FADS2: variants seen among roughly 807,000 people sequenced by gnomAD.
FADS2 encodes fatty acid desaturase 2.
In FADS2, 18 loss-of-function variants were observed where a neutral mutation model predicts 61.2. The observed-to-expected ratio is 0.29, with a 90% CI of 0.20 to 0.44. The LOEUF (loss-of-function observed/expected upper bound fraction) is 0.44, where lower values mean the gene tolerates loss of function less well. Ranked by LOEUF, FADS2 falls within the 20% of genes least tolerant of loss-of-function variation. The pLI, the probability that FADS2 is intolerant of heterozygous loss-of-function variation, is 1.00. For synonymous variants in FADS2, 203 were observed against 223.9 expected (o/e 0.91, Z 0.83); for missense variants, 322 against 572.7 (o/e 0.56, Z 4.47).
At position 61,853,016 on chromosome 11, in the gene FADS2, A is replaced by G. The variant is rs182564414; in HGVS notation, c.745-3995A>G. Among the ~76,000 whole-genome samples, 501 of 152,230 alleles carry G rather than the reference A, an allele frequency of 3.3e-3. 13 individuals are homozygous for G. The highest frequency in any genetic ancestry group is 0.028 in the Admixed American group (430 of 15,292). ...TAAAAATACAAAAAATTAGCTGGGC[A>G]TGGTGGCACACGCCTGTAGTCTCGG... On this transcript the variant is annotated intron_variant, in intron 5 of 11. Coordinates refer to ENST00000278840, the MANE Select transcript of FADS2 (RefSeq NM_004265.4).
intron 4 of FADS2, chr11:61,847,892 T>C: frequency 2.3e-6 from 1 of 428,708 alleles, no homozygotes; most frequent in Non-Finnish European, 4.4e-6. Flanking sequence ...CACCGTGTGG[T>C]CCCTCAGCAG....
intron 4 of FADS2, among the ~76,000 whole-genome samples, chr11:61,843,351 G>A (rs1382425416): frequency 1.3e-5 from 2 of 152,218 alleles, no homozygotes; most frequent in Non-Finnish European, 2.9e-5. Context: ...GATGGCTTGA[G>A]CCTGGGATTT....
chr11:61,862,948 A>T (rs747792353), intron 7 of FADS2, 24 bp from the exon 8 acceptor site: 1 of 1,602,262 alleles, frequency 6.2e-7, no homozygotes, highest in Non-Finnish European at 8.6e-7. Flanking sequence ...GGCAGGTTGC[A>T]CCTAACTTCA....
Position 61,816,330 on chromosome 11 carries a change from G to T in FADS2, c.45G>T (p.Leu15Phe), listed in dbSNP as rs759379049. 5 of 1,598,398 alleles carry T rather than the reference G, an allele frequency of 3.1e-6. No individual in the cohort carries two copies. Among genetic ancestry groups the T allele is most frequent in the South Asian group, 1.1e-5 (1 of 91,082 alleles). The stretch of plus-strand genomic sequence containing the variant: ...GACCCTTTGTTTGTGTGTGCGTGTT[G>T]TTGGCCTCCATCCCCACTCCCCAGA... Residue 15 changes from leucine to phenylalanine, a missense_variant, in exon 1 of 12, where the codon TTG becomes TTT. By Grantham distance (22) the Leu-to-Phe change is conservative. Coordinates refer to the FADS2 transcript ENST00000257261. This position sits in a 1 kb window ranked among gnomAD's most constrained non-coding sequence, Gnocchi z 7.0.
At chr11:61,864,622 T>C (rs1034506119) in intron 10 of FADS2, among the ~76,000 whole-genome samples, 9 of 152,176 alleles carry the variant, frequency 5.9e-5, no homozygotes, top group African/African-American at 1.9e-4. Flanking sequence ...CTCAAACTCC[T>C]AGCCTCAAGT....
Position 61,828,690 on chromosome 11 carries a change from G to A in FADS2, c.207+93G>A, listed in dbSNP as rs1339701101. Reference sequence around the variant, plus strand: ...GTGGGCCAAACAGACCTCCGGCGCTGAATGGAGCTTGGGACGTCCTGTAGG... The same window carrying A: ...GTGGGCCAAACAGACCTCCGGCGCTAAATGGAGCTTGGGACGTCCTGTAGG... On this transcript the variant is annotated intron_variant, in intron 1 of 11. Coordinates refer to ENST00000278840, the MANE Select transcript of FADS2 (RefSeq NM_004265.4). This position sits in a 1 kb window ranked among gnomAD's most constrained non-coding sequence, Gnocchi z 6.4. 2.6e-6 allele frequency: 3 copies of A among 1,149,824 alleles called. No individual in the cohort carries two copies. Among genetic ancestry groups the A allele is most frequent in the Non-Finnish European group, 3.8e-6 (3 of 797,374 alleles). The allele number at this position is 1,149,824 out of a possible 1,614,324, so 71.2% of individuals were successfully genotyped here.
chr11:61,856,953 A>C, intron 5 of FADS2, 58 bp from the exon 6 acceptor site: 1 of 1,371,986 alleles, frequency 7.3e-7, no homozygotes, highest in Non-Finnish European at 1.0e-6. Flanking sequence ...GGGTTGGGGA[A>C]CATGGGAGGC....
upstream of FADS2, among the ~76,000 whole-genome samples, chr11:61,824,523 GAA>G (rs57668028): frequency 8.6e-3 from 753 of 87,506 alleles, 150 homozygotes; most frequent in East Asian, 0.077. Context: ...AAGAAAGAAA[GAA>G]AGAAAAATCA....
At chr11:61,834,775 G>C (rs900624165) in intron 1 of FADS2, among the ~76,000 whole-genome samples, 9 of 152,126 alleles carry the variant, frequency 5.9e-5, no homozygotes, top group African/African-American at 1.9e-4. Flanking sequence ...TGTGATGTGA[G>C]GAGGACCAAT....
At chr11:61,829,306 A>G (rs1431661884) in intron 1 of FADS2, 2 of 152,150 alleles carry the variant, frequency 1.3e-5, no homozygotes, top group Admixed American at 6.5e-5. Flanking sequence ...GAGCCGGTGG[A>G]TTTAGCAGCA....
At chr11:61,859,760 G>C (rs2067397191) in intron 7 of FADS2, among the ~76,000 whole-genome samples, 1 of 140,138 alleles carries the variant, frequency 7.1e-6, no homozygotes, top group Non-Finnish European at 1.5e-5. Context: ...GCCGAGGCGG[G>C]CAGATCATGA....
intron 1 of FADS2, among the ~76,000 whole-genome samples, chr11:61,832,903 C>T (rs184548323): frequency 2.9e-3 from 438 of 152,328 alleles, no homozygotes; most frequent in Non-Finnish European, 2.9e-3. Flanking sequence ...GTGCAGCATT[C>T]GATCAGAGAT....
chr11:61,838,762 T>C (rs1396498763), intron 2 of FADS2, among the ~76,000 whole-genome samples: 1 of 152,066 alleles, frequency 6.6e-6, no homozygotes, highest in Non-Finnish European at 1.5e-5. Context: ...TCACCTGCCC[T>C]GTACCCATGC....
chr11:61,853,856 C>T (rs925772194), intron 5 of FADS2, among the ~76,000 whole-genome samples: 1 of 152,172 alleles, frequency 6.6e-6, no homozygotes, highest in Non-Finnish European at 1.5e-5. Flanking sequence ...CCCCAACCCT[C>T]GATGGACAAG....
At chr11:61,826,663 G>A (rs2067088956), upstream of FADS2, among the ~76,000 whole-genome samples, 1 of 152,208 alleles carries the variant, frequency 6.6e-6, no homozygotes, top group South Asian at 2.1e-4. Flanking sequence ...CAAAGACAGA[G>A]AGGCCTTACT....
intron 1 of FADS2, among the ~76,000 whole-genome samples, chr11:61,831,356 A>T (rs1380376372): frequency 6.6e-6 from 1 of 152,184 alleles, no homozygotes; most frequent in African/African-American, 2.4e-5. Context: ...GATTCCCTGC[A>T]ACATTCCCAG....
intron 2 of FADS2, among the ~76,000 whole-genome samples, chr11:61,839,833 C>T (rs1166458629): frequency 1.3e-5 from 2 of 152,216 alleles, no homozygotes; most frequent in Non-Finnish European, 2.9e-5. Flanking sequence ...CTCCAAGGAC[C>T]TCCTGTATAT....
chr11:61,832,597 G>A (rs1381085935), intron 1 of FADS2, among the ~76,000 whole-genome samples: 3 of 152,280 alleles, frequency 2.0e-5, no homozygotes, highest in South Asian at 2.1e-4. Context: ...CTCTCACTGC[G>A]GGGCTCTTTG....
intron 5 of FADS2, chr11:61,849,662 G>C (rs2067289296): frequency 6.6e-6 from 1 of 152,138 alleles, no homozygotes; most frequent in Non-Finnish European, 1.5e-5. Context: ...GGTAACCACT[G>C]TTAACAAGAT....
Sources: allele counts gnomAD v4.1 joint callset (sites outside exome capture counted in the v4.1 genomes callset), GRCh38; gene constraint gnomAD v4.1.1; non-coding constraint Gnocchi (gnomAD v3.1); transcripts MANE v1.5; gene names NCBI Gene and HGNC (gene_info 2026-07-23, HGNC 2026-07-21).